The following MAP3K4 variants were observed in gnomAD, a reference collection of about 807,000 sequenced individuals.
MAP3K4 encodes the protein MAP three kinase 1.
MAP3K4 carries 67 observed loss-of-function variants against 185.6 expected under a neutral mutation model. The ratio of observed to expected loss-of-function variants is 0.36; its 90% CI spans 0.30 to 0.44. The LOEUF is 0.44. Ranked by LOEUF, MAP3K4 falls within the 20% of genes least tolerant of loss-of-function variation. The pLI, the probability that MAP3K4 is intolerant of heterozygous loss-of-function variation, is 1.00. For missense variants in MAP3K4, 1,551 were observed against 1,995.1 expected, an observed-to-expected ratio of 0.78 and a Z score of 4.24; for synonymous variants, 702 against 710.4, an observed-to-expected ratio of 0.99 and a Z score of 0.19.
In MAP3K4 at chr6:161,054,472, A is replaced by C. The variant is rs1169035851; in HGVS notation, c.1707+4493A>C. ...GCCCGGCCCAAACTAATTTTTCTCT[A>C]AAACTTTATTAATATTTCAAAATAT... On this transcript the variant is annotated intron_variant, in intron 3 of 26. Coordinates refer to ENST00000392142, the MANE Select transcript of MAP3K4 (RefSeq NM_005922.4). The surrounding 1 kb of genome is among the most constrained non-coding windows in gnomAD (Gnocchi z 4.2). Among the ~76,000 whole-genome samples, 1 of 152,218 alleles carries C rather than the reference A, an allele frequency of 6.6e-6. No individual in the cohort carries two copies. Among genetic ancestry groups the C allele is most frequent in the East Asian group, 1.9e-4 (1 of 5,192 alleles).
intron 1 of MAP3K4, among the ~76,000 whole-genome samples, chr6:161,026,025 A>G (rs894223372): frequency 1.3e-5 from 2 of 152,186 alleles, no homozygotes; most frequent in African/African-American, 4.8e-5. Context: ...GAATGTACCC[A>G]CAGTGACACT....
intron 1 of MAP3K4, among the ~76,000 whole-genome samples, chr6:161,006,254 A>G (rs1781577656): frequency 6.6e-6 from 1 of 152,144 alleles, no homozygotes; most frequent in African/African-American, 2.4e-5. Context: ...ACTTCTGAGC[A>G]TTTTAGGACT....
At position 161,070,247 on chromosome 6, in the gene MAP3K4, G is replaced by C. The variant is rs1261234941; in HGVS notation, c.1708-361G>C. Among the ~76,000 whole-genome samples the C allele has an allele frequency of 6.6e-6, 1 of 152,102 alleles. No homozygotes were observed. The highest frequency in any genetic ancestry group is 1.5e-5 in the Non-Finnish European group (1 of 68,012). On this transcript the variant is annotated intron_variant, in intron 3 of 26. Coordinates refer to ENST00000392142, the MANE Select transcript of MAP3K4 (RefSeq NM_005922.4). This position sits in a 1 kb window ranked among gnomAD's most constrained non-coding sequence, Gnocchi z 4.5. Reference sequence around the variant, plus strand: ...ATTCTCTGGTTTTTTTCCCAGTCTAGAGATAGTTGTCGATAGTACTGTATA... The same window carrying C: ...ATTCTCTGGTTTTTTTCCCAGTCTACAGATAGTTGTCGATAGTACTGTATA...
intron 2 of MAP3K4, among the ~76,000 whole-genome samples, chr6:161,041,936 T>TTTTTTTTTTTTG (rs1412184811): frequency 6.9e-6 from 1 of 145,030 alleles, no homozygotes; most frequent in Non-Finnish European, 1.5e-5. Flanking sequence ...CTTTTTTTTT[T>TTTTTTTTTTTTG]TTTTAGAGAT....
At position 161,088,075 on chromosome 6, in the gene MAP3K4, A is replaced by C. The variant is rs1258231136; in HGVS notation, c.2823+121A>C. 13 of 958,894 alleles carry C rather than the reference A, an allele frequency of 1.4e-5. No individual in the cohort carries two copies. The highest frequency in any genetic ancestry group is 3.1e-5 in the Admixed American group (1 of 32,116). The allele number at this position is 958,894 out of a possible 1,614,324, so 59.4% of individuals were successfully genotyped here. A position where few individuals can be genotyped will look rare whatever the true frequency, so the allele number is the denominator to read the frequency against. On this transcript the variant is annotated intron_variant, in intron 10 of 26. Coordinates refer to ENST00000392142, the MANE Select transcript of MAP3K4 (RefSeq NM_005922.4). The surrounding 1 kb of genome is among the most constrained non-coding windows in gnomAD (Gnocchi z 4.5). ...TAGTAATCACAAGTATATACTTCCC[A>C]AAAATATGCCTCAATGTGTTAATAG...
chr6:161,057,601 ACCT>A (rs1784301891), intron 3 of MAP3K4, among the ~76,000 whole-genome samples: 1 of 152,030 alleles, frequency 6.6e-6, no homozygotes, highest in African/African-American at 2.4e-5. Flanking sequence ...TTGTAAACAA[ACCT>A]CCTGTGTGCC....
At position 161,043,078 on chromosome 6, in the gene MAP3K4, G is replaced by A. The variant is rs1039457491; in HGVS notation, c.344-5538G>A. The stretch of plus-strand genomic sequence containing the variant: ...GCTTTTTAAAGAATATCATACTGAT[G>A]TAAAATGGAGCTGGTAAAATGGTTA... On this transcript the variant is annotated intron_variant, in intron 2 of 26. Transcript: ENST00000392142. The surrounding 1 kb of genome is among the most constrained non-coding windows in gnomAD (Gnocchi z 4.3). Among the ~76,000 whole-genome samples, 5 of 152,204 alleles carry A rather than the reference G, an allele frequency of 3.3e-5. No homozygotes were observed. The highest frequency in any genetic ancestry group is 2.9e-5 in the Non-Finnish European group (2 of 68,026).
chr6:161,099,223 C>A (rs960922934), intron 17 of MAP3K4, among the ~76,000 whole-genome samples: 1 of 152,186 alleles, frequency 6.6e-6, no homozygotes, highest in South Asian at 2.1e-4. Flanking sequence ...AAAAGATCAA[C>A]TTCTGATAGA....
At chr6:160,992,396 C>G (rs951703018) in intron 1 of MAP3K4, 1 of 429,438 alleles carries the variant, frequency 2.3e-6, no homozygotes, top group East Asian at 4.4e-5. Flanking sequence ...GGCTGCCTCC[C>G]CTGCCGCTAG....
In MAP3K4 at chr6:160,991,775, C is replaced by T. The variant is rs1030947290; in HGVS notation, c.-157C>T. 37 of 798,828 alleles carry T rather than the reference C, an allele frequency of 4.6e-5. No individual in the cohort carries two copies. The highest frequency in any genetic ancestry group is 6.0e-5 in the Non-Finnish European group (34 of 564,700). The allele number at this position is 798,828 out of a possible 1,614,324, so 49.5% of individuals were successfully genotyped here. ...CGCCCACCGTAGCCCCGGCGCTCGGCCGGTCGCCGTTTCCAAGATGGCCGC... is the reference window on the plus strand; with the variant it reads ...CGCCCACCGTAGCCCCGGCGCTCGGTCGGTCGCCGTTTCCAAGATGGCCGC... On this transcript the variant is annotated 5_prime_UTR_variant, in exon 1 of 27. Coordinates refer to ENST00000392142, the MANE Select transcript of MAP3K4 (RefSeq NM_005922.4). The surrounding 1 kb of genome is among the most constrained non-coding windows in gnomAD (Gnocchi z 5.7).
intron 1 of MAP3K4, among the ~76,000 whole-genome samples, chr6:161,002,160 C>T (rs533521733): frequency 6.6e-6 from 1 of 151,090 alleles, no homozygotes; most frequent in South Asian, 2.1e-4. Context: ...TCTGGCTGGC[C>T]CTTGGATCAT....
Position 161,106,425 on chromosome 6 carries a change from A to T in MAP3K4, c.3857-89A>T. ...AGCTTTGCTGTAATGGAGTGCTAAT[A>T]TATATTGCTCTATTTTTATTGGTTT... On this transcript the variant is annotated intron_variant, in intron 19 of 26. Transcript: ENST00000392142. This position sits in a 1 kb window ranked among gnomAD's most constrained non-coding sequence, Gnocchi z 4.9. 1 of 866,642 alleles carries T rather than the reference A, an allele frequency of 1.2e-6. No homozygotes were observed. The highest frequency in any genetic ancestry group is 1.8e-6 in the Non-Finnish European group (1 of 558,212). The allele number at this position is 866,642 out of a possible 1,614,324, so 53.7% of individuals were successfully genotyped here. A position where few individuals can be genotyped will look rare whatever the true frequency, so the allele number is the denominator to read the frequency against.
rs117842284 is a variant in MAP3K4 at position 161,087,373 on chromosome 6, G to T, written c.2557-315G>T. On this transcript the variant is annotated intron_variant, in intron 9 of 26. Transcript: ENST00000392142. The surrounding 1 kb of genome is among the most constrained non-coding windows in gnomAD (Gnocchi z 4.9). ...TTTGTAAGCATCACAAACTAGCAGT[G>T]GTTGAGGTTCTTTCAGGCTGCCTTG... is the stretch of plus-strand genomic sequence containing the variant. 1.6e-3 allele frequency among the ~76,000 whole-genome samples: 247 copies of T among 152,320 alleles called. 8 individuals are homozygous for T. In the East Asian group the frequency reaches 0.035, roughly 21 times the overall value.
At chr6:161,069,132 T>G (rs1242055037) in intron 3 of MAP3K4, among the ~76,000 whole-genome samples, 3 of 152,206 alleles carry the variant, frequency 2.0e-5, no homozygotes, top group Non-Finnish European at 4.4e-5. Flanking sequence ...GATGGCTCTA[T>G]TTTTAAAATG....
chr6:161,048,398 C>A lies in MAP3K4; in HGVS notation c.344-218C>A. On this transcript the variant is annotated intron_variant, in intron 2 of 26. Coordinates refer to ENST00000392142, the MANE Select transcript of MAP3K4 (RefSeq NM_005922.4). The surrounding 1 kb of genome is among the most constrained non-coding windows in gnomAD (Gnocchi z 4.7). ...AATTAGTTGTGAATATAAGAGAATA[C>A]AGCAAATACTGGAAAAATGGATAAT... The A allele has an allele frequency of 1.6e-6, 1 of 616,392 alleles. No individual in the cohort carries two copies. The highest frequency in any genetic ancestry group is 1.8e-5 in the South Asian group (1 of 55,004). The allele number at this position is 616,392 out of a possible 1,614,324, so 38.2% of individuals were successfully genotyped here. A position where few individuals can be genotyped will look rare whatever the true frequency, so the allele number is the denominator to read the frequency against.
intron 2 of MAP3K4, among the ~76,000 whole-genome samples, chr6:161,039,946 G>A (rs1394566215): frequency 6.6e-6 from 1 of 152,170 alleles, no homozygotes; most frequent in East Asian, 1.9e-4. Flanking sequence ...ATTGCGGGGA[G>A]CATCTCTGTT....
intron 1 of MAP3K4, among the ~76,000 whole-genome samples, chr6:161,018,189 G>C (rs1005291747): frequency 2.0e-5 from 3 of 152,130 alleles, no homozygotes; most frequent in African/African-American, 7.2e-5. Flanking sequence ...AGGAGGCTGA[G>C]GCAGTTGGAA....
At chr6:161,047,117 C>CATATATATATATATATATATATATAT (rs3050257) in intron 2 of MAP3K4, among the ~76,000 whole-genome samples, 17 of 135,002 alleles carry the variant, frequency 1.3e-4, no homozygotes, top group African/African-American at 4.7e-4. Context: ...TTCACTTATG[C>CATATATATATATATATATATATATAT]ATATATATAT....
chr6:161,106,790 G>A lies in MAP3K4; in HGVS notation c.4048+85G>A, dbSNP rs557988860. On this transcript the variant is annotated intron_variant, in intron 20 of 26. Coordinates refer to ENST00000392142, the MANE Select transcript of MAP3K4 (RefSeq NM_005922.4). This position sits in a 1 kb window ranked among gnomAD's most constrained non-coding sequence, Gnocchi z 4.9. ...ACTTCTTTAGGTTGAATCCTATAGA[G>A]TTGGCCCTTTTTTCTTGTAGACATA... is the stretch of plus-strand genomic sequence containing the variant. 27 of 1,127,104 alleles carry A rather than the reference G, an allele frequency of 2.4e-5. 1 individual carries two copies. The East Asian group carries it at 6.5e-4, about 27-fold the overall frequency. 69.8% of individuals were successfully genotyped at this position (1,127,104 alleles called of 1,614,324 possible). A position where few individuals can be genotyped will look rare whatever the true frequency, so the allele number is the denominator to read the frequency against.
Sources: gnomAD v4.1 joint callset for allele counts (sites outside exome capture counted in the v4.1 genomes callset) on GRCh38, gnomAD v4.1.1 for gene constraint, Gnocchi (gnomAD v3.1) non-coding constraint, MANE v1.5 for transcripts, NCBI Gene and HGNC (gene_info 2026-07-23, HGNC 2026-07-21) for gene names.